PRELID2: variants seen among roughly 807,000 people sequenced by gnomAD.
PRELID2 encodes the protein PRELI domain containing 2, also known as PRELI domain-containing protein 2.
Under a neutral mutation model 28.4 loss-of-function variants are expected in PRELID2, and 25 were observed. The observed-to-expected ratio is 0.88, with a 90% CI of 0.64 to 1.23. PRELID2 has a LOEUF of 1.23. Among genes scored for constraint, PRELID2 ranks in the 50% most tolerant of loss-of-function variants. The pLI is 0.00. For synonymous variants in PRELID2, 76 were observed against 71.6 expected (o/e 1.06, Z -0.31); for missense variants, 201 against 214.4 (o/e 0.94, Z 0.39).
chr5:145,404,751 G>A, the PRELID2 span, among the ~76,000 whole-genome samples: 1 of 152,190 alleles, frequency 6.6e-6, no homozygotes, highest in East Asian at 1.9e-4. Flanking sequence ...CACAAATTGT[G>A]GTTTTGACTG....
intron 1 of PRELID2, among the ~76,000 whole-genome samples, chr5:145,491,020 A>G (rs577109575): frequency 6.6e-6 from 1 of 151,244 alleles, no homozygotes; most frequent in African/African-American, 2.4e-5. Context: ...TGTATCTCCT[A>G]TATTTTGAAA....
intron 1 of PRELID2, among the ~76,000 whole-genome samples, chr5:145,481,623 C>CAAAAAAAAAAAAAA (rs70998021): frequency 1.3e-3 from 54 of 41,860 alleles, no homozygotes; most frequent in East Asian, 5.2e-3. Context: ...GCAAGGAAAT[C>CAAAAAAAAAAAAAA]AAAAAAAAAA....
chr5:145,651,741 A>G (rs1400745072), intron 1 of PRELID2, among the ~76,000 whole-genome samples: 2 of 152,202 alleles, frequency 1.3e-5, no homozygotes, highest in East Asian at 1.9e-4. Flanking sequence ...CATCCACACC[A>G]AAACCCCATC....
At chr5:145,444,904 A>G in the PRELID2 span, among the ~76,000 whole-genome samples, 1 of 152,072 alleles carries the variant, frequency 6.6e-6, no homozygotes, top group African/African-American at 2.4e-5. Context: ...GAAAATAAGT[A>G]AGCAAATTAA....
chr5:145,512,454 C>T (rs535042824), intron 1 of PRELID2, among the ~76,000 whole-genome samples: 1 of 152,334 alleles, frequency 6.6e-6, no homozygotes, highest in Non-Finnish European at 1.5e-5. Context: ...GATTCTTCCT[C>T]TCTGGGCAGG....
intron 1 of PRELID2, among the ~76,000 whole-genome samples, chr5:145,499,994 G>T (rs1049558130): frequency 6.6e-5 from 10 of 152,172 alleles, no homozygotes; most frequent in African/African-American, 2.2e-4. Flanking sequence ...CTTTGAGCTA[G>T]TCATTTAACC....
the PRELID2 span, among the ~76,000 whole-genome samples, chr5:145,246,178 TC>T: frequency 2.0e-5 from 3 of 152,034 alleles, no homozygotes; most frequent in Admixed American, 1.3e-4. Flanking sequence ...ATGTCACGTG[TC>T]TTTCTAAGAA....
At chr5:145,438,555 C>G in the PRELID2 span, among the ~76,000 whole-genome samples, 2 of 152,076 alleles carry the variant, frequency 1.3e-5, no homozygotes, top group Non-Finnish European at 2.9e-5. Context: ...TATAAACTGT[C>G]AGGATTTTTA....
intron 1 of PRELID2, among the ~76,000 whole-genome samples, chr5:145,619,698 C>T (rs1349734186): frequency 6.6e-6 from 1 of 152,214 alleles, no homozygotes. Context: ...TGAGTTGGAG[C>T]TGCAATCTAG....
At chr5:145,809,051 T>C (rs1208198773) in intron 4 of PRELID2, among the ~76,000 whole-genome samples, 1 of 147,910 alleles carries the variant, frequency 6.8e-6, no homozygotes, top group Non-Finnish European at 1.5e-5. Context: ...TTTTTTTTTT[T>C]TTTTTGAGAC....
chr5:145,352,346 A>T, the PRELID2 span, among the ~76,000 whole-genome samples: 1 of 152,192 alleles, frequency 6.6e-6, no homozygotes, highest in African/African-American at 2.4e-5. Context: ...CCTCATGCCC[A>T]ACACAACATG....
chr5:145,709,340 A>T (rs758642775), intron 1 of PRELID2, among the ~76,000 whole-genome samples: 1 of 152,328 alleles, frequency 6.6e-6, no homozygotes. Flanking sequence ...CCCCCAGGTG[A>T]TTACACTTTA....
At chr5:145,556,177 CAAAAAAAAAAA>C (rs1231402100) in intron 1 of PRELID2, among the ~76,000 whole-genome samples, 1 of 61,210 alleles carries the variant, frequency 1.6e-5, no homozygotes, top group Admixed American at 1.9e-4. Context: ...GACTCTATCT[CAAAAAAAAAAA>C]AAAAAAAAAG....
chr5:145,586,219 C>A (rs1327042044), intron 1 of PRELID2, among the ~76,000 whole-genome samples: 2 of 152,022 alleles, frequency 1.3e-5, no homozygotes, highest in African/African-American at 4.8e-5. Context: ...GCCAGAAATG[C>A]CCTTTATTGC....
At chr5:145,550,489 C>G (rs1752824795) in intron 1 of PRELID2, among the ~76,000 whole-genome samples, 1 of 152,118 alleles carries the variant, frequency 6.6e-6, no homozygotes, top group Non-Finnish European at 1.5e-5. Context: ...GCAGGAGGAT[C>G]ACTTGAGACC....
intron 1 of PRELID2, among the ~76,000 whole-genome samples, chr5:145,632,954 G>A (rs1041517744): frequency 6.6e-6 from 1 of 152,182 alleles, no homozygotes; most frequent in African/African-American, 2.4e-5. Context: ...AAGTTCCCAT[G>A]GTATGGAGAG....
At chr5:145,736,626 T>A (rs1756504323) in intron 1 of PRELID2, among the ~76,000 whole-genome samples, 1 of 152,196 alleles carries the variant, frequency 6.6e-6, no homozygotes, top group Non-Finnish European at 1.5e-5. Context: ...TCTTCCATAC[T>A]TCTGAGCAAA....
At chr5:145,489,270 G>A (rs752293508) in intron 1 of PRELID2, among the ~76,000 whole-genome samples, 4 of 152,142 alleles carry the variant, frequency 2.6e-5, no homozygotes, top group South Asian at 4.2e-4. Flanking sequence ...CCGGATAAAC[G>A]AAGCATCATC....
the PRELID2 span, among the ~76,000 whole-genome samples, chr5:145,265,797 T>C: frequency 6.6e-6 from 1 of 152,170 alleles, no homozygotes; most frequent in Non-Finnish European, 1.5e-5. Context: ...TCTCACATTA[T>C]ACAAAAATCA....
Sources: allele counts gnomAD v4.1 joint callset (sites outside exome capture counted in the v4.1 genomes callset), GRCh38; gene constraint gnomAD v4.1.1; transcripts MANE v1.5; gene names NCBI Gene and HGNC (gene_info 2026-07-23, HGNC 2026-07-21).